The following PALM3 variants were observed in gnomAD, a reference collection of about 807,000 sequenced individuals.
The protein encoded by PALM3 is paralemmin 3, also known as paralemmin-3.
A neutral mutation model predicts 27.9 loss-of-function variants in PALM3; 20 were observed. The observed-to-expected ratio is 0.72, with a 90% CI of 0.50 to 1.04. The LOEUF (loss-of-function observed/expected upper bound fraction) is 1.04. Ranked by LOEUF, PALM3 falls within the 50% of genes least tolerant of loss-of-function variation. The pLI, the probability that PALM3 is intolerant of heterozygous loss-of-function variation, is 0.00. For missense variants in PALM3, 814 were observed against 869.4 expected (o/e 0.94, Z 0.80); for synonymous variants, 328 against 352.7 (o/e 0.93, Z 0.79).
At chr19:14,059,727 G>A (rs545391745) in intron 1 of PALM3, among the ~76,000 whole-genome samples, 1 of 152,092 alleles carries the variant, frequency 6.6e-6, no homozygotes, top group Non-Finnish European at 1.5e-5. Flanking sequence ...TCAAGCGCTG[G>A]GGGGGCAAGC....
chr19:14,054,854 G>C lies in PALM3; in HGVS notation c.818C>G (p.Ala273Gly), dbSNP rs1013052067. 6.5e-7 allele frequency: 1 copy of C among 1,548,566 alleles called. No homozygotes were observed. Among genetic ancestry groups the C allele is most frequent in the African/African-American group, 1.4e-5 (1 of 72,790 alleles). ...VLEAIGDRKG[A>G]GSLELPAWVK... The stretch of plus-strand genomic sequence containing the variant: ...CCAGGCCGGGAGCTCCAGGCTACCA[G>C]CTCCCTTCCTGTCTCCGATGGCTTC... Residue 273 changes from alanine to glycine, a missense_variant, in exon 7 of 7, where the codon GCT (alanine) becomes GGT (glycine). Transcript: ENST00000669674.
rs1976325307 is a variant in PALM3, at chr19:14,057,354, G to A, written c.168C>T (p.Leu56=). ...VEEEKLRVER[L]KRKSLRERWL... The stretch of plus-strand genomic sequence containing the variant: ...GGCGCCCCCGCCCGCCCCCAACCTT[G>A]AGACGCTCCACGCGGAGTTTCTCCT... Residue 56 remains leucine, a synonymous_variant, in exon 3 of 7, where the codon CTC becomes CTT. Transcript: ENST00000669674. The A allele has an allele frequency of 1.3e-6, 2 of 1,542,836 alleles. No individual in the cohort carries two copies. Among genetic ancestry groups the A allele is most frequent in the Non-Finnish European group, 1.7e-6 (2 of 1,144,062 alleles).
chr19:14,057,105 G>A (rs559952025), intron 3 of PALM3, among the ~76,000 whole-genome samples: 1 of 152,038 alleles, frequency 6.6e-6, no homozygotes, highest in South Asian at 2.1e-4. Context: ...CCCCAAATTG[G>A]GACAAACAGC....
At position 14,054,183 on chromosome 19, in the gene PALM3, C is replaced by T. The variant is rs1054640841; in HGVS notation, c.1489G>A (p.Val497Ile). ...EEKRGAEEEEVEEPLGVEKKG... is the reference protein window; with the variant it reads ...EEKRGAEEEEIEEPLGVEKKG... ...TTCTCTACTCCCAATGGTTCTTCTA[C>T]CTCCTCCTCCTCTGCCCCTCGCTTT... Residue 497 changes from valine to isoleucine, a missense_variant, in exon 7 of 7, where the codon GTA becomes ATA. Transcript: ENST00000669674. 7 of 1,551,414 alleles carry T rather than the reference C, an allele frequency of 4.5e-6. No individual in the cohort carries two copies. Among genetic ancestry groups the T allele is most frequent in the South Asian group, 1.2e-5 (1 of 83,994 alleles).
At position 14,055,190 on chromosome 19, in the gene PALM3, G is replaced by C. The variant is rs1016877722; in HGVS notation, c.482C>G (p.Ala161Gly). The part of the protein sequence containing the change: ...TDLNKRASLP[A>G]GLVGTPPESP... ...CTCTGGAGGCGTGCCCACTAGTCCA[G>C]CCGGCAGGGAGGCTCTCTTGTTCAG... Residue 161 changes from alanine (A) to glycine (G), a missense_variant, in exon 7 of 7, where the codon GCT (alanine) becomes GGT (glycine). Transcript: ENST00000669674. The C allele has an allele frequency of 6.5e-7, 1 of 1,540,656 alleles. No homozygotes were observed. The highest frequency in any genetic ancestry group is 8.8e-7 in the Non-Finnish European group (1 of 1,142,128).
chr19:14,059,054 C>T lies in PALM3; in HGVS notation c.90+61G>A. The T allele has an allele frequency of 2.1e-6, 3 of 1,414,032 alleles. No homozygotes were observed. In the South Asian group the frequency reaches 4.4e-5, roughly 21 times the overall value. 87.6% of individuals were successfully genotyped at this position (1,414,032 alleles called of 1,614,324 possible). A position where few individuals can be genotyped will look rare whatever the true frequency, so the allele number is the denominator to read the frequency against. On this transcript the variant is annotated intron_variant, in intron 2 of 6. Coordinates refer to ENST00000669674, the MANE Select transcript of PALM3 (RefSeq NM_001145028.2). The stretch of plus-strand genomic sequence containing the variant: ...GCTCTCCGCAGAGATGACGGAGAGA[C>T]GAGAAGGGAGCATGGTGGAAAGTTT...
At chr19:14,059,049 A>G (rs1976370480) in intron 2 of PALM3, 66 bp downstream of exon 2, 1 of 1,395,618 alleles carries the variant, frequency 7.2e-7, no homozygotes, top group East Asian at 3.0e-5. Context: ...GAGATGACGG[A>G]GAGACGAGAA....
chr19:14,055,405 C>T lies in PALM3; in HGVS notation c.420G>A (p.Gln140=). ...CTACAGAACCTGCCTCGACAATGGA[C>T]TGGGAGAGAGGACGGTGACCCTGCA... ...WRRQGHRPLS[Q]SIVEAGSVGQ... The change falls in exon 6 of 7, where the codon CAG becomes CAA. Residue 140 remains glutamine (Q), a synonymous_variant. Transcript: ENST00000669674. 1 of 1,550,916 alleles carries T rather than the reference C, an allele frequency of 6.4e-7. No individual in the cohort carries two copies. The highest frequency in any genetic ancestry group is 8.7e-7 in the Non-Finnish European group (1 of 1,146,934).
intron 3 of PALM3, 51 bp from the exon 4 acceptor site, chr19:14,056,855 T>C (rs1208821674): frequency 2.7e-6 from 4 of 1,488,956 alleles, no homozygotes; most frequent in South Asian, 1.4e-5. Flanking sequence ...CCCCGGTCCA[T>C]GTAAAGTCCC....
At chr19:14,058,202 G>T (rs777180579) in intron 2 of PALM3, among the ~76,000 whole-genome samples, 115 of 150,930 alleles carry the variant, frequency 7.6e-4, no homozygotes, top group Non-Finnish European at 1.3e-3. Flanking sequence ...TGTAGACATG[G>T]AATCTAGAGA....
intron 2 of PALM3, chr19:14,057,645 G>GT (rs1976333674): frequency 4.1e-6 from 1 of 244,600 alleles, no homozygotes; most frequent in Non-Finnish European, 7.7e-6. Context: ...GAGTGGGGGG[G>GT]GCGGGGCGGG....
intron 2 of PALM3, 124 bp from the exon 3 acceptor site, chr19:14,057,555 A>C: frequency 1.4e-6 from 1 of 708,600 alleles, no homozygotes; most frequent in Non-Finnish European, 2.0e-6. Context: ...CGAGGCAGCG[A>C]GCCCGGCGGG....
intron 2 of PALM3, 136 bp downstream of exon 2, chr19:14,058,979 G>T (rs984874942): frequency 1.4e-6 from 1 of 713,650 alleles, no homozygotes; most frequent in East Asian, 3.4e-5. Flanking sequence ...GGGGCAGAGG[G>T]GGCTGGAGAA....
chr19:14,057,981 G>A (rs1256625073), intron 2 of PALM3, among the ~76,000 whole-genome samples: 1 of 152,128 alleles, frequency 6.6e-6, no homozygotes, highest in Admixed American at 6.5e-5. Flanking sequence ...GGTAGCAGGC[G>A]CCTGTAATCC....
chr19:14,057,927 G>T (rs1976341116), intron 2 of PALM3, among the ~76,000 whole-genome samples: 1 of 152,150 alleles, frequency 6.6e-6, no homozygotes, highest in Non-Finnish European at 1.5e-5. Flanking sequence ...GGCCAACATG[G>T]TGAAAACCCG....
chr19:14,056,867 T>G, intron 3 of PALM3, 63 bp from the exon 4 acceptor site: 1 of 1,459,242 alleles, frequency 6.9e-7, no homozygotes, highest in East Asian at 2.5e-5. Flanking sequence ...TAAAGTCCCC[T>G]CCCGACCTCT....
At position 14,055,114 on chromosome 19, in the gene PALM3, C is replaced by T. The variant is rs2145702222; in HGVS notation, c.558G>A (p.Arg186=). 1 of 1,551,610 alleles carries T rather than the reference C, an allele frequency of 6.4e-7. No individual in the cohort carries two copies. The highest frequency in any genetic ancestry group is 8.7e-7 in the Non-Finnish European group (1 of 1,146,990). ...EDVLGFLPGP[R]QVPGAAGDSS... is the part of the protein sequence containing the mutation. ...AGTCTCCTGCTGCCCCGGGGACCTG[C>T]CTCGGGCCTGGCAGAAACCCCAAGA... The change falls in exon 7 of 7, where the codon AGG becomes AGA. Residue 186 remains arginine, a synonymous_variant. Transcript: ENST00000669674.
intron 2 of PALM3, among the ~76,000 whole-genome samples, chr19:14,058,095 G>T (rs1976347405): frequency 6.6e-6 from 1 of 152,068 alleles, no homozygotes; most frequent in Admixed American, 6.6e-5. Flanking sequence ...GCGACAGAGC[G>T]AGACTCCGTC....
At position 14,056,824 on chromosome 19, in the gene PALM3, T is replaced by TG; in HGVS notation, c.172-21dup. The TG allele has an allele frequency of 6.5e-7, 1 of 1,534,170 alleles. No individual in the cohort carries two copies. The highest frequency in any genetic ancestry group is 8.8e-7 in the Non-Finnish European group (1 of 1,138,786). Reference sequence around the variant, plus strand: ...CTTCCTCTGGGCAGGGGAAGGGAGTTGGGGCTGGGCATACAGACTACCCCG... The same window carrying TG: ...CTTCCTCTGGGCAGGGGAAGGGAGTTGGGGGCTGGGCATACAGACTACCCCG... On this transcript the variant is annotated intron_variant, in intron 3 of 6. Transcript: ENST00000669674.
Sources: allele counts gnomAD v4.1 joint callset (sites outside exome capture counted in the v4.1 genomes callset), GRCh38; gene constraint gnomAD v4.1.1; transcripts MANE v1.5; gene names NCBI Gene and HGNC (gene_info 2026-07-23, HGNC 2026-07-21).